The following SGCZ variants were observed in gnomAD, a reference collection of about 807,000 sequenced individuals.
SGCZ encodes the protein zeta-sarcoglycan.
A neutral mutation model predicts 41.3 loss-of-function variants in SGCZ; 40 were observed. The ratio of observed to expected loss-of-function variants is 0.97; its 90% CI spans 0.75 to 1.26. The LOEUF (loss-of-function observed/expected upper bound fraction) is 1.26, where lower values mean the gene tolerates loss of function less well. SGCZ is among the 50% of genes most tolerant of loss of function. SGCZ has a pLI of 0.00. For synonymous variants in SGCZ, 206 were observed against 137.5 expected (o/e 1.50, Z -3.49); for missense variants, 552 against 369.8 (o/e 1.49, Z -4.04).
At chr8:14,860,695 G>GGAAA (rs1169934024) in intron 1 of SGCZ, among the ~76,000 whole-genome samples, 5 of 98,680 alleles carry the variant, frequency 5.1e-5, no homozygotes, top group Non-Finnish European at 7.4e-5. Flanking sequence ...AAAGAAAGAA[G>GGAAA]GAAAGAAAGA....
At chr8:14,201,616 T>C (rs991535110) in intron 4 of SGCZ, among the ~76,000 whole-genome samples, 1 of 152,180 alleles carries the variant, frequency 6.6e-6, no homozygotes, top group Admixed American at 6.5e-5. Context: ...TAGAAATTGA[T>C]GAGAAGTGTC....
At chr8:14,596,349 A>C (rs1585111031) in intron 1 of SGCZ, among the ~76,000 whole-genome samples, 2 of 152,306 alleles carry the variant, frequency 1.3e-5, no homozygotes, top group East Asian at 1.9e-4. Context: ...ATATGAAGGA[A>C]GACATGAATG....
intron 2 of SGCZ, among the ~76,000 whole-genome samples, chr8:14,542,133 T>G (rs1165947525): frequency 6.6e-6 from 1 of 152,154 alleles, no homozygotes; most frequent in East Asian, 1.9e-4. Context: ...CTCTTTAGTT[T>G]AATTAGATCA....
intron 1 of SGCZ, among the ~76,000 whole-genome samples, chr8:14,931,234 TA>T (rs941670956): frequency 6.6e-6 from 1 of 151,852 alleles, no homozygotes; most frequent in Non-Finnish European, 1.5e-5. Context: ...AACTAAGGGG[TA>T]AAAAAAATCT....
At chr8:14,355,625 T>C (rs563747273) in intron 2 of SGCZ, among the ~76,000 whole-genome samples, 5 of 152,036 alleles carry the variant, frequency 3.3e-5, no homozygotes, top group African/African-American at 1.2e-4. Context: ...AAATCAAAGA[T>C]CTTTGGAAAA....
intron 1 of SGCZ, among the ~76,000 whole-genome samples, chr8:15,169,126 T>G (rs1331981477): frequency 6.6e-6 from 1 of 152,176 alleles, no homozygotes; most frequent in Non-Finnish European, 1.5e-5. Context: ...CTGGGAACCC[T>G]TAAATAGGCC....
intron 3 of SGCZ, among the ~76,000 whole-genome samples, chr8:14,276,362 T>C (rs2068974311): frequency 1.3e-5 from 2 of 152,146 alleles, no homozygotes; most frequent in Admixed American, 6.5e-5. Flanking sequence ...TTGCTTAGCA[T>C]GGTGACTGAA....
rs78774717 is a variant in SGCZ at position 14,585,803 on chromosome 8, G to C, written c.40-30877C>G. Among the ~76,000 whole-genome samples, 14 of 152,168 alleles carry C rather than the reference G, an allele frequency of 9.2e-5. No homozygotes were observed. In the East Asian group the frequency reaches 9.7e-4, roughly 11 times the overall value. On this transcript the variant is annotated intron_variant, in intron 1 of 7. Coordinates refer to ENST00000382080, the MANE Select transcript of SGCZ (RefSeq NM_139167.4). Reference sequence around the variant, plus strand: ...TGATTCAATGAAAACAAAGCAAAAAGTTCATGTGATTGTCAATTCTGTTTC... The same window carrying C: ...TGATTCAATGAAAACAAAGCAAAAACTTCATGTGATTGTCAATTCTGTTTC...
intron 1 of SGCZ, among the ~76,000 whole-genome samples, chr8:14,913,779 G>A (rs576966105): frequency 1.3e-5 from 2 of 151,092 alleles, no homozygotes; most frequent in Non-Finnish European, 3.0e-5. Context: ...ACAAATCAAT[G>A]TAGGAAAATG....
intron 1 of SGCZ, among the ~76,000 whole-genome samples, chr8:14,643,754 T>C (rs1369719206): frequency 1.3e-5 from 2 of 151,722 alleles, no homozygotes; most frequent in Non-Finnish European, 2.9e-5. Flanking sequence ...TTGCATAATA[T>C]AGTATGCTTT....
intron 1 of SGCZ, among the ~76,000 whole-genome samples, chr8:15,171,026 A>C: frequency 1.3e-5 from 2 of 152,212 alleles, no homozygotes; most frequent in Non-Finnish European, 2.9e-5. Context: ...CAAACAAATT[A>C]TGAGGCTATC....
chr8:14,492,368 TTGA>T (rs1344425582), intron 2 of SGCZ, among the ~76,000 whole-genome samples: 3 of 152,174 alleles, frequency 2.0e-5, no homozygotes, highest in Admixed American at 2.0e-4. Context: ...GAAAATATTG[TTGA>T]TAAGTTAATT....
intron 1 of SGCZ, among the ~76,000 whole-genome samples, chr8:14,766,727 ATTTTTTTTTTTT>A (rs33955290): frequency 2.2e-5 from 2 of 92,804 alleles, no homozygotes; most frequent in African/African-American, 9.1e-5. Context: ...ATGTCCAGCT[ATTTTTTTTTTTT>A]TTTTTTTTTT....
At chr8:14,092,778 T>C (rs917487645) in intron 7 of SGCZ, among the ~76,000 whole-genome samples, 1 of 152,210 alleles carries the variant, frequency 6.6e-6, no homozygotes, top group African/African-American at 2.4e-5. Context: ...AATACATTAA[T>C]TGTCTTTTTC....
At chr8:14,894,669 A>G (rs901590374) in intron 1 of SGCZ, among the ~76,000 whole-genome samples, 2 of 152,214 alleles carry the variant, frequency 1.3e-5, no homozygotes, top group Non-Finnish European at 2.9e-5. Context: ...GAACCAAAAG[A>G]AAGTTCTCAA....
At chr8:15,004,631 T>C (rs560568576) in intron 1 of SGCZ, among the ~76,000 whole-genome samples, 5 of 152,338 alleles carry the variant, frequency 3.3e-5, no homozygotes, top group Non-Finnish European at 4.4e-5. Context: ...ATAAACTCTC[T>C]GCTCTCCCAT....
At chr8:14,334,333 T>C (rs1802434942) in intron 2 of SGCZ, among the ~76,000 whole-genome samples, 2 of 152,046 alleles carry the variant, frequency 1.3e-5, no homozygotes, top group African/African-American at 4.8e-5. Context: ...CTATGACACA[T>C]CACAACAATC....
At chr8:14,391,205 C>A (rs1804757605) in intron 2 of SGCZ, among the ~76,000 whole-genome samples, 1 of 152,030 alleles carries the variant, frequency 6.6e-6, no homozygotes, top group African/African-American at 2.4e-5. Context: ...ACTGGCCAAA[C>A]AAAATGATCT....
chr8:14,687,172 AT>A lies in SGCZ; in HGVS notation c.40-132247del, dbSNP rs1339877552. Among the ~76,000 whole-genome samples, 362 of 99,734 alleles carry A rather than the reference AT, an allele frequency of 3.6e-3. 2 individuals carry two copies. The highest frequency in any genetic ancestry group is 0.014 in the Middle Eastern group (2 of 142). The allele number at this position is 99,734 out of a possible 152,430, so 65.4% of individuals were successfully genotyped here. On this transcript the variant is annotated intron_variant, in intron 1 of 7. Coordinates refer to ENST00000382080, the MANE Select transcript of SGCZ (RefSeq NM_139167.4). ...TTTACTCACTTTAAAGAAAAAAAAA[AT>A]ATATATATATATATATATTTTAATT...
Sources: gnomAD v4.1 joint callset for allele counts (sites outside exome capture counted in the v4.1 genomes callset) on GRCh38, gnomAD v4.1.1 for gene constraint, MANE v1.5 for transcripts, NCBI Gene and HGNC (gene_info 2026-07-23, HGNC 2026-07-21) for gene names.